The following TRPC4 variants were observed in gnomAD, a reference collection of about 807,000 sequenced individuals.
TRPC4 encodes short transient receptor potential channel 4.
TRPC4 carries 49 observed loss-of-function variants against 99.4 expected under a neutral mutation model. The observed-to-expected ratio is 0.49, with a 90% CI of 0.39 to 0.63. The LOEUF (loss-of-function observed/expected upper bound fraction) is 0.63, where lower values mean the gene tolerates loss of function less well. TRPC4 is among the 20% of genes least tolerant of loss of function. TRPC4 has a pLI of 0.00. For synonymous variants in TRPC4, 454 were observed against 425.9 expected (o/e 1.07, Z -0.81); for missense variants, 898 against 1,152.9 (o/e 0.78, Z 3.20).
intron 3 of TRPC4, among the ~76,000 whole-genome samples, chr13:37,738,928 G>A (rs1384343011): frequency 2.2e-5 from 3 of 133,924 alleles, no homozygotes; most frequent in Non-Finnish European, 5.0e-5. Context: ...GGGTTTCCCC[G>A]GGCTTGGGAT....
rs1555266914 is a variant in TRPC4, at chr13:37,752,075, C to CTATATATATG, written c.379-5621_379-5620insCATATATATA. On this transcript the variant is annotated intron_variant, in intron 2 of 10. Coordinates refer to ENST00000379705, the MANE Select transcript of TRPC4 (RefSeq NM_016179.4). ...TACCAAAACCTGATAAAGCAGAAAACTATATATATATATATATATATGACT... is the reference window on the plus strand; with the variant it reads ...TACCAAAACCTGATAAAGCAGAAAACTATATATATGTATATATATATATATATATATGACT... Among the ~76,000 whole-genome samples the CTATATATATG allele has an allele frequency of 6.8e-5, 5 of 73,948 alleles. 2 individuals carry two copies. Among genetic ancestry groups the CTATATATATG allele is most frequent in the South Asian group, 4.4e-4 (1 of 2,270 alleles). The allele number at this position is 73,948 out of a possible 152,430, so 48.5% of individuals were successfully genotyped here.
intron 1 of TRPC4, among the ~76,000 whole-genome samples, chr13:37,822,611 T>A (rs1348753759): frequency 6.6e-6 from 1 of 151,702 alleles, no homozygotes; most frequent in Non-Finnish European, 1.5e-5. Flanking sequence ...CATCATTTTT[T>A]ATGGCTGCAT....
intron 4 of TRPC4, among the ~76,000 whole-genome samples, chr13:37,684,285 A>G (rs982273511): frequency 2.0e-5 from 3 of 152,222 alleles, no homozygotes; most frequent in African/African-American, 4.8e-5. Context: ...AAAATGCTTA[A>G]ACCACTATGG....
chr13:37,777,155 T>C (rs1051311463), intron 2 of TRPC4, among the ~76,000 whole-genome samples: 29 of 151,974 alleles, frequency 1.9e-4, no homozygotes, highest in African/African-American at 6.3e-4. Context: ...TTGCTCTCCC[T>C]GAATTGGGTT....
At chr13:37,751,386 A>T (rs1272444828) in intron 2 of TRPC4, among the ~76,000 whole-genome samples, 1 of 140,786 alleles carries the variant, frequency 7.1e-6, no homozygotes, top group Non-Finnish European at 1.6e-5. Context: ...TTTTGAAATG[A>T]GAAAAGAATG....
In TRPC4 at chr13:37,635,205, C is replaced by A. The variant is rs992834921; in HGVS notation, c.*1698G>T. 2.0e-5 allele frequency among the ~76,000 whole-genome samples: 3 copies of A among 152,058 alleles called. No individual in the cohort carries two copies. The highest frequency in any genetic ancestry group is 7.2e-5 in the African/African-American group (3 of 41,412). On this transcript the variant is annotated 3_prime_UTR_variant, in exon 11 of 11. Transcript: ENST00000379705. ...ACTTCAGAAGTGGCAATTGTAACCC[C>A]TGTATATGCATGTTTTATAACTTGC...
chr13:37,688,003 T>A (rs1275739436), intron 4 of TRPC4, among the ~76,000 whole-genome samples: 1 of 152,214 alleles, frequency 6.6e-6, no homozygotes, highest in Non-Finnish European at 1.5e-5. Flanking sequence ...GTTAGAACTG[T>A]ATCACAATGA....
At chr13:37,721,791 T>A (rs1225131399) in intron 3 of TRPC4, among the ~76,000 whole-genome samples, 1 of 152,178 alleles carries the variant, frequency 6.6e-6, no homozygotes, top group African/African-American at 2.4e-5. Context: ...TTATTTATTT[T>A]TTTACTTTAA....
chr13:37,794,646 G>T (rs971128059), intron 1 of TRPC4, among the ~76,000 whole-genome samples: 1 of 152,058 alleles, frequency 6.6e-6, no homozygotes, highest in Non-Finnish European at 1.5e-5. Flanking sequence ...TAACATTGTC[G>T]CTGCCAACAA....
chr13:37,748,588 A>G (rs989446406), intron 2 of TRPC4, among the ~76,000 whole-genome samples: 3 of 152,074 alleles, frequency 2.0e-5, no homozygotes, highest in African/African-American at 4.8e-5. Context: ...TTAATACTCA[A>G]TAAACCATTG....
At chr13:37,823,741 A>C (rs374722387) in intron 1 of TRPC4, among the ~76,000 whole-genome samples, 1 of 147,066 alleles carries the variant, frequency 6.8e-6, no homozygotes, top group African/African-American at 2.5e-5. Flanking sequence ...CTTAGGATTG[A>C]CTTGGCGATG....
intron 1 of TRPC4, among the ~76,000 whole-genome samples, chr13:37,789,332 G>C (rs1166973478): frequency 6.6e-6 from 1 of 152,100 alleles, no homozygotes; most frequent in Non-Finnish European, 1.5e-5. Context: ...CTCCTGCCGG[G>C]TTTTAAAATC....
chr13:37,698,435 A>G (rs1376913611), intron 3 of TRPC4, among the ~76,000 whole-genome samples: 1 of 151,638 alleles, frequency 6.6e-6, no homozygotes, highest in Non-Finnish European at 1.5e-5. Context: ...TGCTGGGAGG[A>G]CTAACTTTTA....
intron 3 of TRPC4, among the ~76,000 whole-genome samples, chr13:37,714,269 G>T (rs906515946): frequency 1.3e-5 from 2 of 151,994 alleles, no homozygotes; most frequent in African/African-American, 4.8e-5. Context: ...TGGGACTACA[G>T]TCATGTGCCA....
intron 2 of TRPC4, among the ~76,000 whole-genome samples, chr13:37,768,946 G>T (rs1013313797): frequency 6.6e-6 from 1 of 151,280 alleles, no homozygotes; most frequent in Admixed American, 6.6e-5. Context: ...AATTCATTTT[G>T]CTAGACAATT....
intron 2 of TRPC4, among the ~76,000 whole-genome samples, chr13:37,756,942 A>G (rs1367587984): frequency 6.6e-6 from 1 of 152,102 alleles, no homozygotes; most frequent in Admixed American, 6.6e-5. Context: ...ATATGGCTCT[A>G]AATCAGGAGA....
At chr13:37,755,128 C>A (rs1956063430) in intron 2 of TRPC4, among the ~76,000 whole-genome samples, 1 of 151,978 alleles carries the variant, frequency 6.6e-6, no homozygotes, top group Non-Finnish European at 1.5e-5. Flanking sequence ...GACATTCATA[C>A]AATTTAAGGG....
intron 4 of TRPC4, among the ~76,000 whole-genome samples, chr13:37,686,872 A>T: frequency 6.6e-6 from 1 of 152,122 alleles, no homozygotes; most frequent in East Asian, 1.9e-4. Flanking sequence ...TCACAATGTC[A>T]CGTCGCTTCA....
In TRPC4 at chr13:37,793,878, A is replaced by G. The variant is rs117330979; in HGVS notation, c.-27-10518T>C. On this transcript the variant is annotated intron_variant, in intron 1 of 10. Transcript: ENST00000379705. The stretch of plus-strand genomic sequence containing the variant: ...ATACCTCCTTCCAGGAACTTACGCT[A>G]GAGTTGTGTGGTAAAAGGCAGGTAA... 5.3e-4 allele frequency among the ~76,000 whole-genome samples: 81 copies of G among 152,264 alleles called. No individual in the cohort carries two copies. In the East Asian group the frequency reaches 0.015, roughly 28 times the overall value.
Sources: gnomAD v4.1 joint callset for allele counts (sites outside exome capture counted in the v4.1 genomes callset) on GRCh38, gnomAD v4.1.1 for gene constraint, MANE v1.5 for transcripts, NCBI Gene and HGNC (gene_info 2026-07-23, HGNC 2026-07-21) for gene names.